The following TTC7A variants were observed in gnomAD, a reference collection of about 807,000 sequenced individuals.
TTC7A encodes the protein tetratricopeptide repeat domain 7A.
In TTC7A, 110 loss-of-function variants were observed where a neutral mutation model predicts 103.7. The observed-to-expected ratio is 1.06, with a 90% CI of 0.91 to 1.24. The LOEUF is 1.24. Among genes scored for constraint, TTC7A ranks in the 50% most tolerant of loss-of-function variants. The pLI is 0.00. For missense variants in TTC7A, 1,340 were observed against 1,116.3 expected (o/e 1.20, Z -2.86); for synonymous variants, 521 against 467.9 (o/e 1.11, Z -1.47).
Position 47,050,053 on chromosome 2 carries a change from A to G in TTC7A, c.2017+7A>G. ...GCCCATGATGCAGACTCTGGTAAGA[A>G]CGAGCTCCTTGGGCCACTGTGTGCA... On this transcript the variant is annotated splice_region_variant and intron_variant, in intron 17 of 19. Transcript: ENST00000319190. 6.2e-7 allele frequency: 1 copy of G among 1,611,534 alleles called. No homozygotes were observed. The highest frequency in any genetic ancestry group is 8.5e-7 in the Non-Finnish European group (1 of 1,177,824).
intron 2 of TTC7A, among the ~76,000 whole-genome samples, chr2:46,925,554 A>C (rs1460448431): frequency 6.6e-6 from 1 of 151,996 alleles, no homozygotes; most frequent in Non-Finnish European, 1.5e-5. Flanking sequence ...TGTCTCAATA[A>C]ATAAATAAAT....
chr2:46,970,610 G>C (rs1673269773), intron 3 of TTC7A, among the ~76,000 whole-genome samples: 1 of 152,246 alleles, frequency 6.6e-6, no homozygotes. Context: ...GGAATTGGCT[G>C]TGCCCTGCCA....
Position 47,007,590 on chromosome 2 carries a change from G to C in TTC7A, c.1287+866G>C, listed in dbSNP as rs1677554598. Among the ~76,000 whole-genome samples the C allele has an allele frequency of 6.6e-6, 1 of 152,160 alleles. No homozygotes were observed. Among genetic ancestry groups the C allele is most frequent in the Non-Finnish European group, 1.5e-5 (1 of 68,020 alleles). On this transcript the variant is annotated intron_variant, in intron 10 of 19. Coordinates refer to ENST00000319190, the MANE Select transcript of TTC7A (RefSeq NM_020458.4). The surrounding 1 kb of genome is among the most constrained non-coding windows in gnomAD (Gnocchi z 4.9). ...TTTCTGGCCCCGCAGCCGTCTCTGA[G>C]GAGGGCCCTCCTGGCTTGCCAGTGC... is the stretch of plus-strand genomic sequence containing the variant.
intron 14 of TTC7A, among the ~76,000 whole-genome samples, chr2:47,025,687 G>A (rs1413378224): frequency 1.3e-5 from 2 of 152,054 alleles, no homozygotes; most frequent in African/African-American, 2.4e-5. Context: ...TCTCCCCAAC[G>A]GCCCTGATGT....
intron 3 of TTC7A, among the ~76,000 whole-genome samples, chr2:46,970,286 C>G (rs554183263): frequency 6.6e-6 from 1 of 152,286 alleles, no homozygotes; most frequent in African/African-American, 2.4e-5. Flanking sequence ...CTTCGCCTGG[C>G]CTGCTTTGAG....
At chr2:47,021,325 T>C (rs572765419) in intron 11 of TTC7A, among the ~76,000 whole-genome samples, 1 of 152,344 alleles carries the variant, frequency 6.6e-6, no homozygotes, top group East Asian at 1.9e-4. Context: ...GTGTCCCATG[T>C]CATGTGGTGA....
chr2:47,032,924 A>G (rs1680720853), intron 15 of TTC7A, among the ~76,000 whole-genome samples: 1 of 151,186 alleles, frequency 6.6e-6, no homozygotes, highest in African/African-American at 2.4e-5. Flanking sequence ...ATAATACTAT[A>G]TATATGGCTG....
chr2:46,972,424 A>G (rs1405578905), intron 3 of TTC7A, among the ~76,000 whole-genome samples: 4 of 152,218 alleles, frequency 2.6e-5, no homozygotes, highest in Non-Finnish European at 5.9e-5. Flanking sequence ...TTAAATGTAC[A>G]CTTCAGTAGT....
intron 5 of TTC7A, 123 bp downstream of exon 5, chr2:46,979,030 G>T (rs183244523): frequency 2.5e-4 from 165 of 656,950 alleles, no homozygotes; most frequent in Non-Finnish European, 3.8e-4. Context: ...AAGAGGATTG[G>T]TGGGAACTGG....
At chr2:47,027,784 G>A (rs1680075764) in intron 14 of TTC7A, among the ~76,000 whole-genome samples, 1 of 152,210 alleles carries the variant, frequency 6.6e-6, no homozygotes. Flanking sequence ...TGTAGAGAAC[G>A]AGGAGATGAC....
rs34868688 is a variant in TTC7A at position 47,046,585 on chromosome 2, A to G, written c.1919+154A>G. ...TCCTGCCCACAGAGCTTTCACATCC[A>G]TAGTCCAGTTTGAACCTCCTGACAG... On this transcript the variant is annotated intron_variant, in intron 16 of 19. Coordinates refer to ENST00000319190, the MANE Select transcript of TTC7A (RefSeq NM_020458.4). Among the ~76,000 whole-genome samples, 2,536 of 152,338 alleles carry G rather than the reference A, an allele frequency of 0.017. 28 individuals are homozygous for G. The highest frequency in any genetic ancestry group is 0.031 in the South Asian group (149 of 4,824).
intron 16 of TTC7A, among the ~76,000 whole-genome samples, chr2:47,048,025 A>G (rs1003860130): frequency 3.3e-5 from 5 of 152,040 alleles, no homozygotes; most frequent in Non-Finnish European, 7.4e-5. Context: ...GGCCTAGCAG[A>G]CCTTCACTAT....
intron 18 of TTC7A, among the ~76,000 whole-genome samples, chr2:47,058,604 C>A (rs955220571): frequency 1.1e-4 from 17 of 152,246 alleles, no homozygotes; most frequent in African/African-American, 3.9e-4. Flanking sequence ...GGCAAAACCA[C>A]AAGTCAGACT....
chr2:46,924,217 A>AC (rs1163730789), intron 2 of TTC7A, among the ~76,000 whole-genome samples: 1 of 151,632 alleles, frequency 6.6e-6, no homozygotes, highest in African/African-American at 2.4e-5. Flanking sequence ...AAAAAAAAAA[A>AC]AAACCCAACT....
At chr2:46,978,193 A>G (rs1674060712) in intron 4 of TTC7A, 1 of 152,628 alleles carries the variant, frequency 6.6e-6, no homozygotes, top group African/African-American at 2.4e-5. Flanking sequence ...TGTCTGGTTG[A>G]AGAGTGAGTG....
At chr2:47,048,115 C>T (rs1335017638) in intron 16 of TTC7A, among the ~76,000 whole-genome samples, 2 of 152,208 alleles carry the variant, frequency 1.3e-5, no homozygotes, top group African/African-American at 4.8e-5. Flanking sequence ...GTCTCATGTT[C>T]TAATTGCCCC....
chr2:46,936,971 C>G (rs140671628), upstream of TTC7A, among the ~76,000 whole-genome samples: 157 of 152,080 alleles, frequency 1.0e-3, no homozygotes, highest in African/African-American at 3.5e-3. Context: ...CCTCCCACCT[C>G]AGCCCCTCAA....
chr2:46,958,801 G>A (rs941193134), intron 3 of TTC7A, among the ~76,000 whole-genome samples: 2 of 152,202 alleles, frequency 1.3e-5, no homozygotes, highest in African/African-American at 2.4e-5. Context: ...GGGGGATCCG[G>A]TGGGTCTTCC....
At chr2:46,972,219 G>A (rs937677021) in intron 3 of TTC7A, among the ~76,000 whole-genome samples, 3 of 150,922 alleles carry the variant, frequency 2.0e-5, no homozygotes, top group South Asian at 2.1e-4. Flanking sequence ...GTAACCTGAC[G>A]CAAATACAGT....
Sources: gnomAD v4.1 joint callset for allele counts (sites outside exome capture counted in the v4.1 genomes callset) on GRCh38, gnomAD v4.1.1 for gene constraint, Gnocchi (gnomAD v3.1) non-coding constraint, MANE v1.5 for transcripts, NCBI Gene and HGNC (gene_info 2026-07-23, HGNC 2026-07-21) for gene names.